FAM83B: variants seen among roughly 807,000 people sequenced by gnomAD.
FAM83B encodes the protein protein FAM83B.
FAM83B carries 26 observed loss-of-function variants against 38.8 expected under a neutral mutation model. The observed-to-expected ratio is 0.67, with a 90% CI of 0.49 to 0.93. The LOEUF is 0.93. Ranked by LOEUF, FAM83B falls within the 40% of genes least tolerant of loss-of-function variation. The pLI is 0.00. For synonymous variants in FAM83B, 419 were observed against 423.1 expected, an observed-to-expected ratio of 0.99 and a Z score of 0.12; for missense variants, 1,237 against 1,197.3, an observed-to-expected ratio of 1.03 and a Z score of -0.49.
At chr6:54,852,276 A>G (rs1462771388) in intron 1 of FAM83B, among the ~76,000 whole-genome samples, 1 of 152,082 alleles carries the variant, frequency 6.6e-6, no homozygotes, top group Non-Finnish European at 1.5e-5. Context: ...TGTCAGTGCC[A>G]TTTTTCCAAC....
At position 54,870,663 on chromosome 6, in the gene FAM83B, T is replaced by A. The variant is rs1314442679; in HGVS notation, c.417T>A (p.Ile139=). 3 of 1,596,308 alleles carry A rather than the reference T, an allele frequency of 1.9e-6. No individual in the cohort carries two copies. The highest frequency in any genetic ancestry group is 2.6e-6 in the Non-Finnish European group (3 of 1,172,774). Residue 139 remains isoleucine (I), a synonymous_variant, in exon 2 of 5, where the codon ATT becomes ATA. Transcript: ENST00000306858. Reference sequence around the variant, plus strand: ...ATCTACTTACGATAAAAGAAACTATTCGGAAGATGATAAAAGAAGCAAGAA... The same window carrying A: ...ATCTACTTACGATAAAAGAAACTATACGGAAGATGATAAAAGAAGCAAGAA... ...RAHLLTIKET[I]RKMIKEARKV... is the part of the protein sequence containing the mutation.
At chr6:54,855,062 A>T (rs984317105) in intron 1 of FAM83B, among the ~76,000 whole-genome samples, 3 of 152,126 alleles carry the variant, frequency 2.0e-5, no homozygotes, top group Admixed American at 6.6e-5. Flanking sequence ...CAGAATTTTC[A>T]TTTTTCCAGT....
chr6:54,942,899 T>G lies in FAM83B; in HGVS notation c.*892T>G, dbSNP rs1330571727. ...TAAGGGGTCTTGCTTGCGAAAATTCTTGCTCTTTTTTTTTTTCTTTTGAGA... is the reference window on the plus strand; with the variant it reads ...TAAGGGGTCTTGCTTGCGAAAATTCGTGCTCTTTTTTTTTTTCTTTTGAGA... On this transcript the variant is annotated 3_prime_UTR_variant, in exon 5 of 5. Transcript: ENST00000306858. Among the ~76,000 whole-genome samples, 1 of 149,778 alleles carries G rather than the reference T, an allele frequency of 6.7e-6. No individual in the cohort carries two copies. Among genetic ancestry groups the G allele is most frequent in the African/African-American group, 2.5e-5 (1 of 40,054 alleles).
rs186608914 is a variant in FAM83B at position 54,848,293 on chromosome 6, C to T, written c.-61+1467C>T. ...ATTCCACCCCCTTGCCTTTGGGGCT[C>T]AGGCACACGTGGGGTATACACCTAT... is the stretch of plus-strand genomic sequence containing the variant. On this transcript the variant is annotated intron_variant, in intron 1 of 4. Transcript: ENST00000306858. Among the ~76,000 whole-genome samples, 1,423 of 152,246 alleles carry T rather than the reference C, an allele frequency of 9.3e-3. 7 individuals carry two copies. Among genetic ancestry groups the T allele is most frequent in the Non-Finnish European group, 0.016 (1,121 of 68,010 alleles).
chr6:54,913,751 A>G (rs1173774792), intron 2 of FAM83B, among the ~76,000 whole-genome samples: 1 of 152,114 alleles, frequency 6.6e-6, no homozygotes, highest in Non-Finnish European at 1.5e-5. Context: ...AAACATATGT[A>G]TATGAAGAAT....
rs1266346669 is a variant in FAM83B at position 54,889,226 on chromosome 6, A to G, written c.444+18536A>G. 2.0e-5 allele frequency among the ~76,000 whole-genome samples: 3 copies of G among 152,040 alleles called. 1 individual carries two copies. In the South Asian group the frequency reaches 6.2e-4, roughly 31 times the overall value. On this transcript the variant is annotated intron_variant, in intron 2 of 4. Transcript: ENST00000306858. Reference sequence around the variant, plus strand: ...AACACCAATGTCTGCATTACCTGTAAGCCTGTTTCTTTTGTCTGTTTTTAT... The same window carrying G: ...AACACCAATGTCTGCATTACCTGTAGGCCTGTTTCTTTTGTCTGTTTTTAT...
chr6:54,939,978 A>T lies in FAM83B; in HGVS notation c.1007A>T (p.Tyr336Phe), dbSNP rs770006158. ...QDKIHKLDSS[Y>F]FKNRGIYTLN... ...AAGATTCATAAACTAGATTCCAGTT[A>T]CTTCAAAAACAGAGGGATATATACT... Residue 336 changes from tyrosine to phenylalanine, a missense_variant, in exon 5 of 5, where the codon TAC becomes TTC. Transcript: ENST00000306858. 3 of 1,613,964 alleles carry T rather than the reference A, an allele frequency of 1.9e-6. No individual in the cohort carries two copies. Among genetic ancestry groups the T allele is most frequent in the African/African-American group, 2.7e-5 (2 of 74,926 alleles).
intron 2 of FAM83B, among the ~76,000 whole-genome samples, chr6:54,909,600 GAAT>G (rs1369444343): frequency 1.3e-5 from 2 of 152,102 alleles, no homozygotes; most frequent in Non-Finnish European, 2.9e-5. Flanking sequence ...AAATAACAGT[GAAT>G]AATAAGTTTT....
In FAM83B at chr6:54,943,112, A is replaced by G. The variant is rs1285568580; in HGVS notation, c.*1105A>G. On this transcript the variant is annotated 3_prime_UTR_variant, in exon 5 of 5. Transcript: ENST00000306858. ...GAGATGGGATTTCACCATGTTGGCC[A>G]GTCTAGTCTCAAACTCCTGACCTCG... 3 of 152,108 alleles carry G rather than the reference A, an allele frequency of 2.0e-5. No individual in the cohort carries two copies. The highest frequency in any genetic ancestry group is 4.8e-5 in the African/African-American group (2 of 41,400). The allele number at this position is 152,108 out of a possible 1,614,324, so 9.4% of individuals were successfully genotyped here. A position where few individuals can be genotyped will look rare whatever the true frequency, so the allele number is the denominator to read the frequency against.
chr6:54,855,481 A>T (rs560333087), intron 1 of FAM83B, among the ~76,000 whole-genome samples: 1 of 152,336 alleles, frequency 6.6e-6, no homozygotes, highest in South Asian at 2.1e-4. Context: ...ATGTCCGTTG[A>T]TATCTCAATA....
chr6:54,900,387 G>A (rs1426176805), intron 2 of FAM83B, among the ~76,000 whole-genome samples: 1 of 152,128 alleles, frequency 6.6e-6, no homozygotes, highest in East Asian at 1.9e-4. Context: ...TGTAATGTGA[G>A]CTTTTGCCTG....
intron 1 of FAM83B, among the ~76,000 whole-genome samples, chr6:54,849,534 G>C (rs1771221925): frequency 6.6e-6 from 1 of 151,472 alleles, no homozygotes; most frequent in Admixed American, 6.6e-5. Flanking sequence ...GATGGAGGGG[G>C]CAAAGGATGT....
chr6:54,878,255 A>C (rs924678970), intron 2 of FAM83B, among the ~76,000 whole-genome samples: 1 of 152,188 alleles, frequency 6.6e-6, no homozygotes. Flanking sequence ...TTTTAGTGCC[A>C]ATGATGTATC....
chr6:54,886,288 G>A (rs1772271763), intron 2 of FAM83B, among the ~76,000 whole-genome samples: 1 of 148,532 alleles, frequency 6.7e-6, no homozygotes, highest in African/African-American at 2.4e-5. Context: ...TCAAGGTTAT[G>A]CTGCCCACAT....
At chr6:54,875,917 T>C (rs995709915) in intron 2 of FAM83B, among the ~76,000 whole-genome samples, 1 of 152,182 alleles carries the variant, frequency 6.6e-6, no homozygotes, top group African/African-American at 2.4e-5. Context: ...CAACACATTC[T>C]ATATCTATTT....
Position 54,940,989 on chromosome 6 carries a change from C to A in FAM83B, c.2018C>A (p.Ala673Asp). The A allele has an allele frequency of 6.2e-7, 1 of 1,613,944 alleles. No individual in the cohort carries two copies. Among genetic ancestry groups the A allele is most frequent in the South Asian group, 1.1e-5 (1 of 91,040 alleles). The stretch of plus-strand genomic sequence containing the variant: ...TTCCCGTTATTTGACAACTCAAAAG[C>A]CAACTTAGATCCTGGAAATAGTAAG... ...RSFPLFDNSK[A>D]NLDPGNSKHY... The change falls in exon 5 of 5, where the codon GCC becomes GAC. Residue 673 changes from alanine to aspartate, a missense_variant. Ala to Asp is a moderately radical substitution (Grantham distance 126). Transcript: ENST00000306858.
intron 2 of FAM83B, among the ~76,000 whole-genome samples, chr6:54,902,780 T>A (rs767657115): frequency 6.6e-6 from 1 of 151,460 alleles, no homozygotes; most frequent in Non-Finnish European, 1.5e-5. Flanking sequence ...TAAGTCTTAT[T>A]AAGACAGAAT....
intron 2 of FAM83B, among the ~76,000 whole-genome samples, chr6:54,879,335 T>A (rs1772071449): frequency 6.6e-6 from 1 of 152,146 alleles, no homozygotes; most frequent in Non-Finnish European, 1.5e-5. Context: ...CATGACGGAT[T>A]AGATGCTGTC....
chr6:54,918,793 T>C (rs1773103560), intron 2 of FAM83B, among the ~76,000 whole-genome samples: 1 of 152,154 alleles, frequency 6.6e-6, no homozygotes, highest in South Asian at 2.1e-4. Flanking sequence ...GTTGGGGGCA[T>C]TTTAATTGTT....
Sources: gnomAD v4.1 joint callset for allele counts (sites outside exome capture counted in the v4.1 genomes callset) on GRCh38, gnomAD v4.1.1 for gene constraint, MANE v1.5 for transcripts, NCBI Gene and HGNC (gene_info 2026-07-23, HGNC 2026-07-21) for gene names.